PTPN22: variants seen among roughly 807,000 people sequenced by gnomAD.
The protein encoded by PTPN22 is protein tyrosine phosphatase non-receptor type 22.
Under a neutral mutation model 103.3 loss-of-function variants are expected in PTPN22, and 85 were observed. The ratio of observed to expected loss-of-function variants is 0.82; its 90% CI spans 0.69 to 0.99. The LOEUF (loss-of-function observed/expected upper bound fraction) is 0.99. Among genes scored for constraint, PTPN22 ranks in the 50% least tolerant of loss-of-function variants. PTPN22 has a pLI of 0.00. For synonymous variants in PTPN22, 323 were observed against 310.2 expected, an observed-to-expected ratio of 1.04 and a Z score of -0.43; for missense variants, 865 against 936.9, an observed-to-expected ratio of 0.92 and a Z score of 1.00.
chr1:113,843,704 A>G (rs1487016547), intron 11 of PTPN22, among the ~76,000 whole-genome samples: 1 of 152,246 alleles, frequency 6.6e-6, no homozygotes, highest in East Asian at 1.9e-4. Flanking sequence ...ACCACAATAA[A>G]AATATTAATT....
intron 11 of PTPN22, among the ~76,000 whole-genome samples, chr1:113,841,649 C>T (rs1324960499): frequency 6.7e-6 from 1 of 149,392 alleles, no homozygotes; most frequent in Non-Finnish European, 1.5e-5. Flanking sequence ...GTCACCCAGG[C>T]TAGAGTGCAG....
intron 17 of PTPN22, 85 bp downstream of exon 17, chr1:113,829,864 C>T (rs1041101834): frequency 7.5e-7 from 1 of 1,333,474 alleles, no homozygotes; most frequent in East Asian, 2.4e-5. Flanking sequence ...CATTTTTGTA[C>T]CTTTCCATTT....
chr1:113,836,733 G>T (rs1024524021), intron 13 of PTPN22, among the ~76,000 whole-genome samples: 1 of 151,488 alleles, frequency 6.6e-6, no homozygotes, highest in African/African-American at 2.4e-5. Context: ...TTCAAGACCA[G>T]GCTGGGCAAC....
chr1:113,815,028 C>T (rs1661045986), intron 20 of PTPN22, 59 bp from the exon 21 acceptor site: 1 of 1,265,976 alleles, frequency 7.9e-7, no homozygotes. Flanking sequence ...GAAATGAATA[C>T]TTGGATTTTA....
At chr1:113,862,009 G>A (rs776969350) in intron 1 of PTPN22, among the ~76,000 whole-genome samples, 9 of 151,904 alleles carry the variant, frequency 5.9e-5, no homozygotes, top group Non-Finnish European at 8.8e-5. Flanking sequence ...GACTGGGTGC[G>A]GTGGCTCACA....
At chr1:113,841,855 G>C (rs908271004) in intron 11 of PTPN22, among the ~76,000 whole-genome samples, 1 of 151,880 alleles carries the variant, frequency 6.6e-6, no homozygotes, top group Non-Finnish European at 1.5e-5. Flanking sequence ...TGCCCGCCTC[G>C]GCCTCCCAAA....
chr1:113,833,027 C>A, intron 16 of PTPN22, 84 bp downstream of exon 16: 1 of 1,320,920 alleles, frequency 7.6e-7, no homozygotes, highest in South Asian at 1.3e-5. Context: ...CAAGTAACTT[C>A]CTGAAGTGAA....
At chr1:113,864,851 G>C (rs184042658) in intron 1 of PTPN22, among the ~76,000 whole-genome samples, 57 of 152,100 alleles carry the variant, frequency 3.7e-4, no homozygotes, top group African/African-American at 1.2e-3. Flanking sequence ...GGCAGAGGTT[G>C]CAGTGAGCAG....
chr1:113,856,674 ACT>A (rs1477288495), intron 5 of PTPN22, 55 bp from the exon 6 acceptor site: 2 of 1,610,752 alleles, frequency 1.2e-6, no homozygotes, highest in Admixed American at 3.4e-5. Context: ...AGTCTTTTCC[ACT>A]CTCTCATTTG....
At chr1:113,864,491 T>A in intron 1 of PTPN22, 1 of 298,094 alleles carries the variant, frequency 3.4e-6, no homozygotes, top group South Asian at 2.7e-5. Flanking sequence ...TCGGGCATGG[T>A]GGCTCACACC....
chr1:113,844,637 T>C (rs543261031), intron 11 of PTPN22, among the ~76,000 whole-genome samples: 1 of 152,350 alleles, frequency 6.6e-6, no homozygotes, highest in South Asian at 2.1e-4. Flanking sequence ...GTACTGCTAT[T>C]GCTTCTGTCT....
At position 113,837,731 on chromosome 1, in the gene PTPN22, G is replaced by A. The variant is rs1227036700; in HGVS notation, c.1669C>T (p.Gln557Ter). The change falls in exon 13 of 21, where the codon CAA (glutamine) becomes TAA (stop). Residue 557 changes from glutamine (Q) to a stop codon, truncating the protein, a stop_gained. Coordinates refer to ENST00000359785, the Ensembl canonical transcript of PTPN22. LOFTEE classifies it high-confidence loss of function. ...GAAGAAGGAAAAACAGTTCCATCTT[G>A]CTTCTCAGGTAAATCAAGAGACATC... The A allele has an allele frequency of 6.2e-7, 1 of 1,612,474 alleles. No individual in the cohort carries two copies. The highest frequency in any genetic ancestry group is 1.3e-5 in the African/African-American group (1 of 74,876).
At chr1:113,869,815 G>A (rs1345268264) in intron 1 of PTPN22, among the ~76,000 whole-genome samples, 5 of 152,104 alleles carry the variant, frequency 3.3e-5, no homozygotes, top group African/African-American at 9.7e-5. Flanking sequence ...CCAGGGGCAG[G>A]GACATGTATA....
chr1:113,823,984 C>T (rs954385968), intron 19 of PTPN22, among the ~76,000 whole-genome samples: 1 of 152,258 alleles, frequency 6.6e-6, no homozygotes, highest in Admixed American at 6.5e-5. Flanking sequence ...TAGACTATAC[C>T]TACATCAGAT....
At chr1:113,867,050 A>G (rs1416764714) in intron 1 of PTPN22, among the ~76,000 whole-genome samples, 1 of 152,166 alleles carries the variant, frequency 6.6e-6, no homozygotes, top group Non-Finnish European at 1.5e-5. Flanking sequence ...CCTGGCCAAG[A>G]TCCACAAAAA....
intron 1 of PTPN22, among the ~76,000 whole-genome samples, chr1:113,867,117 C>A (rs529085584): frequency 6.6e-6 from 1 of 152,218 alleles, no homozygotes; most frequent in South Asian, 2.1e-4. Context: ...TTTTAACTTT[C>A]AATAATATTG....
At chr1:113,819,622 C>T in exon 20 of PTPN22, 1 of 1,604,694 alleles carries the variant, frequency 6.2e-7, no homozygotes, top group Non-Finnish European at 8.5e-7. Flanking sequence ...ACAGATTCTG[C>T]AGGCTTGTTT....
intron 1 of PTPN22, among the ~76,000 whole-genome samples, chr1:113,866,356 CA>C (rs1666116392): frequency 6.6e-6 from 1 of 151,954 alleles, no homozygotes; most frequent in South Asian, 2.1e-4. Context: ...ACTAAAAATA[CA>C]AAAATTAGCT....
In PTPN22 at chr1:113,816,090, T is replaced by A. The variant is rs891312525; in HGVS notation, c.2360-1121A>T. 2.0e-5 allele frequency among the ~76,000 whole-genome samples: 3 copies of A among 152,224 alleles called. No homozygotes were observed. In the South Asian group the frequency reaches 6.2e-4, roughly 31 times the overall value. ...TAATAAAATGAAAAACTCAAAGATATACCTAAACCTTTAATTTCATCATCA... is the reference window on the plus strand; with the variant it reads ...TAATAAAATGAAAAACTCAAAGATAAACCTAAACCTTTAATTTCATCATCA... On this transcript the variant is annotated intron_variant, in intron 20 of 20. Coordinates refer to ENST00000359785, the Ensembl canonical transcript of PTPN22.
Sources: allele counts gnomAD v4.1 joint callset (sites outside exome capture counted in the v4.1 genomes callset), GRCh38; gene constraint gnomAD v4.1.1; transcripts MANE v1.5; gene names NCBI Gene and HGNC (gene_info 2026-07-23, HGNC 2026-07-21).